The following ATP2C1 variants were observed in gnomAD, a reference collection of about 807,000 sequenced individuals.
ATP2C1 encodes the protein calcium-transporting ATPase type 2C member 1.
ATP2C1 carries 31 observed loss-of-function variants against 120.5 expected under a neutral mutation model. That is an observed-to-expected ratio of 0.26 (90% CI 0.19 to 0.35). The LOEUF (loss-of-function observed/expected upper bound fraction) is 0.35, where lower values mean the gene tolerates loss of function less well. ATP2C1 is among the 10% of genes least tolerant of loss of function. ATP2C1 has a pLI of 1.00. For synonymous variants in ATP2C1, 351 were observed against 358.7 expected (o/e 0.98, Z 0.24); for missense variants, 731 against 1,107.5 (o/e 0.66, Z 4.83).
intron 4 of ATP2C1, among the ~76,000 whole-genome samples, chr3:130,932,899 T>C (rs1403059346): frequency 1.3e-5 from 2 of 152,200 alleles, no homozygotes; most frequent in Non-Finnish European, 2.9e-5. Flanking sequence ...CAGGCTTAAT[T>C]TTGCGAATGA....
chr3:130,946,073 A>G (rs577690916), intron 8 of ATP2C1, among the ~76,000 whole-genome samples: 14 of 152,290 alleles, frequency 9.2e-5, no homozygotes, highest in Non-Finnish European at 1.9e-4. Flanking sequence ...GGCCCCCATC[A>G]TTTTTTTAAA....
chr3:131,010,240 G>C (rs2063268474), intron 26 of ATP2C1, among the ~76,000 whole-genome samples: 1 of 146,384 alleles, frequency 6.8e-6, no homozygotes, highest in African/African-American at 2.6e-5. Flanking sequence ...GCCCAGGCTG[G>C]AGTGCAGTGG....
At chr3:130,951,374 A>G (rs1301980851) in intron 8 of ATP2C1, among the ~76,000 whole-genome samples, 1 of 152,182 alleles carries the variant, frequency 6.6e-6, no homozygotes, top group Non-Finnish European at 1.5e-5. Flanking sequence ...TGTAAAACAG[A>G]TAATAATAGT....
intron 1 of ATP2C1, among the ~76,000 whole-genome samples, chr3:130,866,466 ACTGGTG>A (rs1214347461): frequency 2.0e-5 from 3 of 152,158 alleles, no homozygotes; most frequent in Non-Finnish European, 2.9e-5. Context: ...CTTTCATCTA[ACTGGTG>A]CTGCTAAAGC....
intron 12 of ATP2C1, among the ~76,000 whole-genome samples, chr3:130,960,000 T>G (rs2108599816): frequency 6.6e-6 from 1 of 152,254 alleles, no homozygotes; most frequent in Middle Eastern, 3.4e-3. Flanking sequence ...CACACAAGTA[T>G]TTTCTCAAGC....
At chr3:130,954,990 A>G (rs1445500840) in intron 9 of ATP2C1, 22 bp from the exon 10 acceptor site, 2 of 1,582,634 alleles carry the variant, frequency 1.3e-6, no homozygotes, top group South Asian at 1.1e-5. Context: ...ATGTAAATGT[A>G]TTTTCCTGTT....
chr3:131,016,497 T>A lies in ATP2C1; in HGVS notation c.*308T>A. On this transcript the variant is annotated 3_prime_UTR_variant, in exon 27 of 27. Coordinates refer to the ATP2C1 transcript ENST00000328560. ...CTTCATAAATGCCTTGCTGTATAAATTGAAATATTGATACTGAACTGTCTT... is the reference window on the plus strand; with the variant it reads ...CTTCATAAATGCCTTGCTGTATAAAATGAAATATTGATACTGAACTGTCTT... 3.8e-6 allele frequency: 3 copies of A among 780,772 alleles called. No homozygotes were observed. In the South Asian group the frequency reaches 5.6e-5, roughly 15 times the overall value. The allele number at this position is 780,772 out of a possible 1,614,324, so 48.4% of individuals were successfully genotyped here.
At position 131,002,614 on chromosome 3, in the gene ATP2C1, T is replaced by C. The variant is rs886057992; in HGVS notation, c.*1264T>C. 2 of 985,282 alleles carry C rather than the reference T, an allele frequency of 2.0e-6. No homozygotes were observed. Among genetic ancestry groups the C allele is most frequent in the Admixed American group, 6.1e-5 (1 of 16,268 alleles). 61.0% of individuals were successfully genotyped at this position (985,282 alleles called of 1,614,324 possible). On this transcript the variant is annotated 3_prime_UTR_variant, in exon 28 of 28. Transcript: ENST00000510168. ...TGTTTTGAGTATGTGGGCCAGAAATTTAAAATTAGAAATTTGTTTTTCTGT... is the reference window on the plus strand; with the variant it reads ...TGTTTTGAGTATGTGGGCCAGAAATCTAAAATTAGAAATTTGTTTTTCTGT...
intron 27 of ATP2C1, among the ~76,000 whole-genome samples, chr3:130,999,947 A>G (rs1408082362): frequency 6.6e-6 from 1 of 152,156 alleles, no homozygotes; most frequent in Admixed American, 6.5e-5. Flanking sequence ...ATAACTTTTT[A>G]TGTACTATGC....
At chr3:131,009,217 C>T (rs1203521828) in intron 26 of ATP2C1, among the ~76,000 whole-genome samples, 1 of 152,132 alleles carries the variant, frequency 6.6e-6, no homozygotes, top group Non-Finnish European at 1.5e-5. Context: ...ACTAAACTAT[C>T]CTAACAGCTC....
At chr3:130,927,191 T>C (rs1307443410) in intron 2 of ATP2C1, among the ~76,000 whole-genome samples, 1 of 152,036 alleles carries the variant, frequency 6.6e-6, no homozygotes, top group Non-Finnish European at 1.5e-5. Flanking sequence ...ATATACTAAC[T>C]GGTAGTTAAA....
At chr3:130,974,572 A>G (rs929623717) in intron 17 of ATP2C1, among the ~76,000 whole-genome samples, 1 of 152,188 alleles carries the variant, frequency 6.6e-6, no homozygotes, top group Non-Finnish European at 1.5e-5. Context: ...TGCTATAGTC[A>G]TTACCACACT....
At position 130,982,633 on chromosome 3, in the gene ATP2C1, G is replaced by A. The variant is rs897167180; in HGVS notation, c.1839+1954G>A. Among the ~76,000 whole-genome samples, 3 of 152,108 alleles carry A rather than the reference G, an allele frequency of 2.0e-5. No individual in the cohort carries two copies. In the East Asian group the frequency reaches 5.8e-4, roughly 29 times the overall value. On this transcript the variant is annotated intron_variant, in intron 20 of 27. Coordinates refer to ENST00000510168, the MANE Select transcript of ATP2C1 (RefSeq NM_001378687.1). ...AATTTATTTTATTAGCTATTTTGTA[G>A]CCATCCATTGTTACTAATAAAATGT...
At chr3:130,927,279 C>T (rs1200305803) in intron 2 of ATP2C1, among the ~76,000 whole-genome samples, 1 of 146,458 alleles carries the variant, frequency 6.8e-6, no homozygotes, top group Non-Finnish European at 1.5e-5. Context: ...CTCGCTCTGT[C>T]GCCCAGGCTG....
At chr3:130,851,311 G>A (rs1166711093) in intron 1 of ATP2C1, among the ~76,000 whole-genome samples, 1 of 152,070 alleles carries the variant, frequency 6.6e-6, no homozygotes, top group East Asian at 1.9e-4. Flanking sequence ...TTGTATTTAT[G>A]GTTATGTTTA....
intron 2 of ATP2C1, among the ~76,000 whole-genome samples, chr3:130,913,606 T>G (rs902970334): frequency 6.6e-6 from 1 of 152,170 alleles, no homozygotes; most frequent in African/African-American, 2.4e-5. Context: ...GCTGTATTTA[T>G]TTAAGATTTT....
At chr3:130,951,975 C>T (rs1441651207) in intron 8 of ATP2C1, among the ~76,000 whole-genome samples, 1 of 152,116 alleles carries the variant, frequency 6.6e-6, no homozygotes, top group East Asian at 1.9e-4. Flanking sequence ...GTTTGCCTAA[C>T]ACACAAACAC....
chr3:130,894,220 T>C lies in ATP2C1; in HGVS notation c.-298T>C. The C allele has an allele frequency of 1.0e-6, 1 of 976,570 alleles. No individual in the cohort carries two copies. 60.5% of individuals were successfully genotyped at this position (976,570 alleles called of 1,614,324 possible). The stretch of plus-strand genomic sequence containing the variant: ...GCTTCTTCTCACGCCGGGAGCAGGC[T>C]CCCGCCTCGCACCGCTGCCCCGCGA... On this transcript the variant is annotated 5_prime_UTR_variant, in exon 1 of 28. Transcript: ENST00000510168. The surrounding 1 kb of genome is among the most constrained non-coding windows in gnomAD (Gnocchi z 4.5).
chr3:130,991,967 G>T (rs890582823), intron 20 of ATP2C1, among the ~76,000 whole-genome samples: 1 of 152,230 alleles, frequency 6.6e-6, no homozygotes, highest in African/African-American at 2.4e-5. Flanking sequence ...TCCTCTAGGA[G>T]AATAGGAAAG....
Sources: gnomAD v4.1 joint callset for allele counts (sites outside exome capture counted in the v4.1 genomes callset) on GRCh38, gnomAD v4.1.1 for gene constraint, Gnocchi (gnomAD v3.1) non-coding constraint, MANE v1.5 for transcripts, NCBI Gene and HGNC (gene_info 2026-07-23, HGNC 2026-07-21) for gene names.